The following CTBP2 variants were observed in gnomAD, a reference collection of about 807,000 sequenced individuals.
The protein encoded by CTBP2 is C-terminal-binding protein 2.
In CTBP2, 30 loss-of-function variants were observed where a neutral mutation model predicts 80.3. The observed-to-expected ratio is 0.37, with a 90% CI of 0.28 to 0.51. The LOEUF (loss-of-function observed/expected upper bound fraction) is 0.51. Ranked by LOEUF, CTBP2 falls within the 20% of genes least tolerant of loss-of-function variation. The pLI is 0.93. For missense variants in CTBP2, 1,212 were observed against 1,375.3 expected, an observed-to-expected ratio of 0.88 and a Z score of 1.88; for synonymous variants, 594 against 587.4, an observed-to-expected ratio of 1.01 and a Z score of -0.16.
intron 1 of CTBP2, among the ~76,000 whole-genome samples, chr10:125,158,428 C>A (rs1001123730): frequency 3.3e-5 from 5 of 152,164 alleles, no homozygotes; most frequent in African/African-American, 1.2e-4. Context: ...TCAAAATTAT[C>A]CATGTCAGAT....
chr10:125,148,961 A>T (rs1859316394), intron 1 of CTBP2, among the ~76,000 whole-genome samples: 1 of 152,168 alleles, frequency 6.6e-6, no homozygotes, highest in Non-Finnish European at 1.5e-5. Flanking sequence ...GAGAATGGAC[A>T]CTCTGAAGAT....
intron 2 of CTBP2, among the ~76,000 whole-genome samples, chr10:125,099,035 CATGGAGTCTAGGGAGACACTGTAGA>C (rs1457276011): frequency 6.6e-6 from 1 of 152,218 alleles, no homozygotes; most frequent in Non-Finnish European, 1.5e-5. Context: ...GGTCTGCAAG[CATGGAGTCTAGGGAGACACTGTAGA>C]AAAGCCATCA....
At chr10:125,009,533 C>T (rs1293505081) in intron 1 of CTBP2, among the ~76,000 whole-genome samples, 1 of 152,208 alleles carries the variant, frequency 6.6e-6, no homozygotes, top group Non-Finnish European at 1.5e-5. Context: ...GCGGCCTGCT[C>T]CCCAATTAAG....
At chr10:125,022,858 G>C (rs1366674654) in intron 1 of CTBP2, among the ~76,000 whole-genome samples, 1 of 152,240 alleles carries the variant, frequency 6.6e-6, no homozygotes, top group African/African-American at 2.4e-5. Flanking sequence ...AGACCTCAAG[G>C]TGCAGAGGAG....
chr10:125,131,241 A>G (rs1360695398), intron 1 of CTBP2, among the ~76,000 whole-genome samples: 3 of 152,202 alleles, frequency 2.0e-5, no homozygotes, highest in Non-Finnish European at 4.4e-5. Context: ...ACATTCCCAG[A>G]AGCAGAAGAT....
rs1564913943 is a variant in CTBP2, at chr10:125,098,692, G to GAGAC, written c.-102+12297_-102+12298insGTCT. Among the ~76,000 whole-genome samples the GAGAC allele has an allele frequency of 1.0e-3, 119 of 118,728 alleles. 2 individuals are homozygous for GAGAC. The highest frequency in any genetic ancestry group is 7.7e-3 in the East Asian group (31 of 4,040). 77.9% of individuals were successfully genotyped at this position (118,728 alleles called of 152,430 possible). A position where few individuals can be genotyped will look rare whatever the true frequency, so the allele number is the denominator to read the frequency against. On this transcript the variant is annotated intron_variant, in intron 2 of 10. Transcript: ENST00000337195. The stretch of plus-strand genomic sequence containing the variant: ...AGAGAGAGAGAGAGAGAGAGAGAGA[G>GAGAC]AGAGAGAGAGAGAGACAGAGAGAGA...
chr10:125,047,828 C>T (rs941538643), intron 2 of CTBP2, among the ~76,000 whole-genome samples: 1 of 152,166 alleles, frequency 6.6e-6, no homozygotes, highest in African/African-American at 2.4e-5. Context: ...ATTTAGCTTA[C>T]ACTTAACACA....
At chr10:125,052,925 A>T (rs1963108473) in intron 2 of CTBP2, among the ~76,000 whole-genome samples, 1 of 152,182 alleles carries the variant, frequency 6.6e-6, no homozygotes, top group Admixed American at 6.5e-5. Flanking sequence ...TTTTGAGAAA[A>T]ACTTTTCTGA....
intron 1 of CTBP2, among the ~76,000 whole-genome samples, chr10:125,114,973 TCGTTAGG>T (rs1852972914): frequency 6.6e-6 from 1 of 152,128 alleles, no homozygotes; most frequent in Non-Finnish European, 1.5e-5. Context: ...GTGCCAGCTC[TCGTTAGG>T]ACTTGAGGCT....
chr10:124,996,200 G>C (rs1953535298), intron 4 of CTBP2: 1 of 133,638 alleles, frequency 7.5e-6, no homozygotes, highest in Non-Finnish European at 1.6e-5. Flanking sequence ...GCCCCCCCCG[G>C]CCCCCCATGC....
chr10:125,002,829 A>G, intron 3 of CTBP2, 131 bp downstream of exon 5: 2 of 1,127,820 alleles, frequency 1.8e-6, no homozygotes, highest in Admixed American at 2.2e-5. Context: ...CCCGGCCTGG[A>G]GGCAGCCACC....
At chr10:125,012,176 G>A (rs1363613066) in intron 1 of CTBP2, among the ~76,000 whole-genome samples, 1 of 152,254 alleles carries the variant, frequency 6.6e-6, no homozygotes, top group Non-Finnish European at 1.5e-5. Flanking sequence ...ACGTGTGCGA[G>A]ATTTCCCCAG....
chr10:124,994,229 A>C (rs573882484), intron 5 of CTBP2, among the ~76,000 whole-genome samples: 1 of 152,308 alleles, frequency 6.6e-6, no homozygotes, highest in Admixed American at 6.5e-5. Context: ...TGGCCTCTTT[A>C]AAGGTTCTGG....
At chr10:125,042,700 C>T (rs567931278) in intron 2 of CTBP2, among the ~76,000 whole-genome samples, 13 of 152,232 alleles carry the variant, frequency 8.5e-5, no homozygotes, top group African/African-American at 2.4e-4. Flanking sequence ...CAAAAACACT[C>T]GGTGGGAGCC....
Position 125,099,155 on chromosome 10 carries a change from C to T in CTBP2, c.-102+11835G>A, listed in dbSNP as rs371323775. 1.2e-3 allele frequency among the ~76,000 whole-genome samples: 177 copies of T among 152,340 alleles called. 2 individuals carry two copies. Among genetic ancestry groups the T allele is most frequent in the African/African-American group, 4.1e-3 (171 of 41,582 alleles). On this transcript the variant is annotated intron_variant, in intron 2 of 10. Coordinates refer to the CTBP2 transcript ENST00000337195. The stretch of plus-strand genomic sequence containing the variant: ...TTTAGGAAAAGGCTGTGGAGCAGAA[C>T]ATGCTGGGTGTGCAACTGAAACCTA...
chr10:125,058,511 G>C (rs1173997961), intron 2 of CTBP2, among the ~76,000 whole-genome samples: 1 of 152,178 alleles, frequency 6.6e-6, no homozygotes, highest in Non-Finnish European at 1.5e-5. Flanking sequence ...TGAAGCCACG[G>C]CCGGGCGCGG....
At chr10:125,052,067 A>G (rs1304225657) in intron 2 of CTBP2, among the ~76,000 whole-genome samples, 1 of 152,184 alleles carries the variant, frequency 6.6e-6, no homozygotes. Context: ...ACCTTCTTTC[A>G]GCAACCCGAG....
chr10:125,144,339 G>C (rs1591065305), intron 1 of CTBP2, among the ~76,000 whole-genome samples: 1 of 152,302 alleles, frequency 6.6e-6, no homozygotes, highest in Non-Finnish European at 1.5e-5. Context: ...GATCTCGCTC[G>C]ATCATTAATT....
At chr10:125,095,086 A>T (rs955084048) in intron 2 of CTBP2, among the ~76,000 whole-genome samples, 2 of 152,128 alleles carry the variant, frequency 1.3e-5, no homozygotes, top group African/African-American at 4.8e-5. Flanking sequence ...AGCTGAGAAC[A>T]GGAGGTCCCC....
Sources: allele counts gnomAD v4.1 joint callset (sites outside exome capture counted in the v4.1 genomes callset), GRCh38; gene constraint gnomAD v4.1.1; transcripts MANE v1.5; gene names NCBI Gene and HGNC (gene_info 2026-07-23, HGNC 2026-07-21).